The following IRAK1BP1 variants were observed in gnomAD, a reference collection of about 807,000 sequenced individuals.
The protein encoded by IRAK1BP1 is interleukin-1 receptor-associated kinase 1-binding protein 1.
In IRAK1BP1, 24 loss-of-function variants were observed where a neutral mutation model predicts 28.0. The observed-to-expected ratio is 0.86, with a 90% CI of 0.62 to 1.20. IRAK1BP1 has a LOEUF of 1.20. IRAK1BP1 is among the 50% of genes most tolerant of loss of function. The probability of loss-of-function intolerance (pLI) is 0.00; values close to 1 mark genes in which losing one functional copy is unlikely to be tolerated. For missense variants in IRAK1BP1, 336 were observed against 316.7 expected (o/e 1.06, Z -0.46); for synonymous variants, 131 against 116.3 (o/e 1.13, Z -0.81).
chr6:78,970,508 A>C, the IRAK1BP1 span, among the ~76,000 whole-genome samples: 1 of 152,186 alleles, frequency 6.6e-6, no homozygotes, highest in Admixed American at 6.5e-5. Flanking sequence ...AAATTTACGA[A>C]TACAAAGCTT....
At chr6:78,953,259 A>G in the IRAK1BP1 span, among the ~76,000 whole-genome samples, 2 of 152,128 alleles carry the variant, frequency 1.3e-5, no homozygotes, top group African/African-American at 4.8e-5. Context: ...CAGTTCTTCA[A>G]TATTTCTGGT....
chr6:78,920,306 C>CA (rs1257975830), intron 4 of IRAK1BP1, among the ~76,000 whole-genome samples: 29 of 151,856 alleles, frequency 1.9e-4, no homozygotes, highest in African/African-American at 7.0e-4. Flanking sequence ...CATATGGAAC[C>CA]AAAAAAGAGC....
intron 4 of IRAK1BP1, chr6:78,936,900 AAC>A (rs1196272516): frequency 1.3e-5 from 2 of 151,794 alleles, no homozygotes; most frequent in African/African-American, 4.8e-5. Context: ...AAATTAGGGG[AAC>A]TAAGGGAAAC....
chr6:78,974,058 A>T, the IRAK1BP1 span, among the ~76,000 whole-genome samples: 4 of 152,290 alleles, frequency 2.6e-5, no homozygotes, highest in East Asian at 7.7e-4. Context: ...TCCACCTCAA[A>T]TCAACAGAAT....
chr6:78,960,173 C>A, the IRAK1BP1 span, among the ~76,000 whole-genome samples: 2 of 152,258 alleles, frequency 1.3e-5, no homozygotes, highest in South Asian at 4.1e-4. Flanking sequence ...CACTGTAAAG[C>A]TGAAAAATCT....
chr6:78,879,105 A>G (rs1771121327), intron 1 of IRAK1BP1, among the ~76,000 whole-genome samples: 1 of 152,154 alleles, frequency 6.6e-6, no homozygotes, highest in South Asian at 2.1e-4. Context: ...TCCCCAACCT[A>G]GCAAGGCTAG....
In IRAK1BP1 at chr6:78,913,347, G is replaced by C. The variant is rs1772476126; in HGVS notation, c.*67+10237G>C. ...AAGACTCTGTTTCAAAAAAAAAAAA[G>C]TACAAGTCATTACTGGGGCCGGGCG... On this transcript the variant is annotated intron_variant and NMD_transcript_variant, in intron 4 of 4. Transcript: ENST00000606868. Among the ~76,000 whole-genome samples the C allele has an allele frequency of 4.1e-5, 6 of 146,594 alleles. No individual in the cohort carries two copies. In the South Asian group the frequency reaches 1.3e-3, roughly 33 times the overall value.
intron 4 of IRAK1BP1, among the ~76,000 whole-genome samples, chr6:78,943,686 C>T (rs1247184295): frequency 6.6e-6 from 1 of 151,980 alleles, no homozygotes; most frequent in Non-Finnish European, 1.5e-5. Context: ...TTTTCTGGGA[C>T]ATAAAGATGG....
At chr6:78,965,082 GT>G in the IRAK1BP1 span, among the ~76,000 whole-genome samples, 1 of 152,070 alleles carries the variant, frequency 6.6e-6, no homozygotes. Flanking sequence ...AATCCTGAAT[GT>G]GTCAGGCCAT....
At chr6:78,879,537 C>G (rs955010428) in intron 1 of IRAK1BP1, among the ~76,000 whole-genome samples, 1 of 152,166 alleles carries the variant, frequency 6.6e-6, no homozygotes, top group African/African-American at 2.4e-5. Context: ...AACCTCCACA[C>G]TCACCTCACA....
At chr6:78,961,080 G>A in the IRAK1BP1 span, among the ~76,000 whole-genome samples, 3 of 151,808 alleles carry the variant, frequency 2.0e-5, no homozygotes, top group African/African-American at 7.3e-5. Context: ...AAACATTTTA[G>A]GTAATAATAA....
intron 2 of IRAK1BP1, among the ~76,000 whole-genome samples, chr6:78,893,768 G>A (rs1038553581): frequency 7.9e-5 from 12 of 152,060 alleles, no homozygotes; most frequent in Middle Eastern, 6.8e-3. Context: ...GCCAGGCATG[G>A]TGGTCACGCC....
At chr6:78,913,672 A>G (rs554202983) in intron 4 of IRAK1BP1, among the ~76,000 whole-genome samples, 2 of 152,158 alleles carry the variant, frequency 1.3e-5, no homozygotes, top group Non-Finnish European at 2.9e-5. Context: ...TGAGAAGATG[A>G]CTGCATCTTT....
intron 2 of IRAK1BP1, among the ~76,000 whole-genome samples, chr6:78,894,752 G>GC (rs1771818029): frequency 6.6e-6 from 1 of 152,112 alleles, no homozygotes; most frequent in South Asian, 2.1e-4. Context: ...AAAAACAGCA[G>GC]CCTACACATT....
intron 1 of IRAK1BP1, among the ~76,000 whole-genome samples, chr6:78,870,762 G>A (rs1282544602): frequency 2.0e-5 from 3 of 151,958 alleles, no homozygotes; most frequent in African/African-American, 4.8e-5. Flanking sequence ...CCAGGCTGGA[G>A]TACAATGGAG....
At chr6:78,973,703 A>C in the IRAK1BP1 span, among the ~76,000 whole-genome samples, 1 of 151,822 alleles carries the variant, frequency 6.6e-6, no homozygotes, top group Admixed American at 6.6e-5. Context: ...CAAATGGAAA[A>C]CAAAAAAAGA....
intron 2 of IRAK1BP1, among the ~76,000 whole-genome samples, chr6:78,894,677 G>A (rs1301134032): frequency 2.6e-5 from 4 of 152,054 alleles, no homozygotes; most frequent in Admixed American, 6.5e-5. Context: ...AAATCAGTAA[G>A]AATATAACAG....
At chr6:78,893,292 ATG>A (rs1189252490) in intron 2 of IRAK1BP1, among the ~76,000 whole-genome samples, 2 of 76,792 alleles carry the variant, frequency 2.6e-5, no homozygotes, top group African/African-American at 7.3e-5. Flanking sequence ...GTGTGTATAT[ATG>A]TGTGTGTGTG....
At chr6:78,947,578 C>T (rs944789807), downstream of IRAK1BP1, 5 of 963,522 alleles carry the variant, frequency 5.2e-6, no homozygotes, top group African/African-American at 6.5e-5. Flanking sequence ...TAACACACTC[C>T]TCTAACTTAA....
Sources: allele counts gnomAD v4.1 joint callset (sites outside exome capture counted in the v4.1 genomes callset), GRCh38; gene constraint gnomAD v4.1.1; transcripts MANE v1.5; gene names NCBI Gene and HGNC (gene_info 2026-07-23, HGNC 2026-07-21).